The following ELAC2 variants were observed in gnomAD, a reference collection of about 807,000 sequenced individuals.
The protein encoded by ELAC2 is elaC ribonuclease Z 2.
ELAC2 carries 92 observed loss-of-function variants against 105.2 expected under a neutral mutation model. The observed-to-expected ratio is 0.87, with a 90% CI of 0.74 to 1.04. The LOEUF (loss-of-function observed/expected upper bound fraction) is 1.04, where lower values mean the gene tolerates loss of function less well. ELAC2 is among the 50% of genes least tolerant of loss of function. ELAC2 has a pLI of 0.00. For synonymous variants in ELAC2, 468 were observed against 409.1 expected (o/e 1.14, Z -1.74); for missense variants, 1,099 against 1,071.7 (o/e 1.03, Z -0.36).
intron 17 of ELAC2, 142 bp downstream of exon 17, chr17:12,996,404 CA>C: frequency 1.2e-5 from 16 of 1,304,704 alleles, no homozygotes; most frequent in Non-Finnish European, 1.7e-5. Context: ...TTGAGTTTTG[CA>C]AAAAACCATT....
chr17:12,991,764 C>T lies in ELAC2; in HGVS notation c.*1054G>A, dbSNP rs564577581. On this transcript the variant is annotated 3_prime_UTR_variant, in exon 24 of 24. Coordinates refer to ENST00000338034, the MANE Select transcript of ELAC2 (RefSeq NM_018127.7). ...AAAGCCAGGTCCCTGGCTGATCTCT[C>T]GCTTGCTTGTCTTTTGAGTTTTTAA... is the stretch of plus-strand genomic sequence containing the variant. The T allele has an allele frequency of 2.9e-4, 61 of 213,154 alleles. No homozygotes were observed. The highest frequency in any genetic ancestry group is 4.0e-4 in the Non-Finnish European group (42 of 105,166). The allele number at this position is 213,154 out of a possible 1,614,324, so 13.2% of individuals were successfully genotyped here.
intron 8 of ELAC2, among the ~76,000 whole-genome samples, chr17:13,008,650 C>T (rs986267244): frequency 1.4e-4 from 21 of 152,160 alleles, no homozygotes; most frequent in African/African-American, 5.1e-4. Flanking sequence ...AGAACGCAGC[C>T]AATAACGCCC....
intron 5 of ELAC2, 65 bp downstream of exon 5, chr17:13,014,374 A>G: frequency 8.1e-7 from 1 of 1,233,782 alleles, no homozygotes; most frequent in South Asian, 1.2e-5. Flanking sequence ...ATGGATTCTA[A>G]TTTGAGAGGT....
chr17:13,008,789 G>A lies in ELAC2; in HGVS notation c.738+1824C>T, dbSNP rs2041247364. 2.0e-5 allele frequency among the ~76,000 whole-genome samples: 3 copies of A among 152,126 alleles called. No homozygotes were observed. The South Asian group carries it at 6.2e-4, about 32-fold the overall frequency. On this transcript the variant is annotated intron_variant, in intron 8 of 23. Coordinates refer to ENST00000338034, the MANE Select transcript of ELAC2 (RefSeq NM_018127.7). ...CTTTCCAAAACCTCACCTGAGAGCA[G>A]CAAATTAATTAGAAGAGGGGAAAGG...
At chr17:12,996,093 T>C in intron 17 of ELAC2, 115 bp from the exon 18 acceptor site, 1 of 1,165,538 alleles carries the variant, frequency 8.6e-7, no homozygotes, top group Non-Finnish European at 1.2e-6. Context: ...CCCACCAGCC[T>C]CTAACACAGC....
rs141665060 is a variant in ELAC2 at position 12,992,131 on chromosome 17, A to AT, written c.*686dup. ...AGCCAGGCTCTCACTGATTGATTTG[A>AT]TTGATTGATTGATTGATTGATAGAG... On this transcript the variant is annotated 3_prime_UTR_variant, in exon 24 of 24. Coordinates refer to ENST00000338034, the MANE Select transcript of ELAC2 (RefSeq NM_018127.7). Among the ~76,000 whole-genome samples the AT allele has an allele frequency of 1.5e-3, 136 of 91,874 alleles. No individual in the cohort carries two copies. Among genetic ancestry groups the AT allele is most frequent in the Non-Finnish European group, 3.2e-3 (113 of 35,056 alleles). 60.3% of individuals were successfully genotyped at this position (91,874 alleles called of 152,430 possible). A position where few individuals can be genotyped will look rare whatever the true frequency, so the allele number is the denominator to read the frequency against.
intron 1 of ELAC2, 73 bp downstream of exon 1, chr17:13,017,628 TGG>T: frequency 6.2e-7 from 1 of 1,607,414 alleles, no homozygotes; most frequent in Non-Finnish European, 8.5e-7. Flanking sequence ...GCCGAAGCCC[TGG>T]GAGGTGCCCC....
At position 12,992,265 on chromosome 17, in the gene ELAC2, T is replaced by TGAC; in HGVS notation, c.*550_*552dup. 1 of 241,308 alleles carries TGAC rather than the reference T, an allele frequency of 4.1e-6. No homozygotes were observed. The highest frequency in any genetic ancestry group is 5.9e-5 in the East Asian group (1 of 16,970). 14.9% of individuals were successfully genotyped at this position (241,308 alleles called of 1,614,324 possible). A position where few individuals can be genotyped will look rare whatever the true frequency, so the allele number is the denominator to read the frequency against. On this transcript the variant is annotated 3_prime_UTR_variant, in exon 24 of 24. Coordinates refer to ENST00000338034, the MANE Select transcript of ELAC2 (RefSeq NM_018127.7). ...CAGAGGTGCTCACTACGACGGGAGCTGACTTCTTCCAAGCCACCCGGGTAC... is the reference window on the plus strand; with the variant it reads ...CAGAGGTGCTCACTACGACGGGAGCTGACGACTTCTTCCAAGCCACCCGGGTAC...
intron 16 of ELAC2, among the ~76,000 whole-genome samples, chr17:12,997,072 T>C (rs1384958067): frequency 6.6e-6 from 1 of 152,092 alleles, no homozygotes; most frequent in Non-Finnish European, 1.5e-5. Flanking sequence ...CATATGAGAC[T>C]CTTTCTAGGT....
intron 23 of ELAC2, 144 bp downstream of exon 23, chr17:12,993,543 G>A (rs1479530928): frequency 1.2e-5 from 15 of 1,263,718 alleles, no homozygotes; most frequent in South Asian, 4.2e-5. Context: ...AGGGTGGTTC[G>A]ACCTGGTTAG....
chr17:12,996,137 G>A (rs542495487), intron 17 of ELAC2, 159 bp from the exon 18 acceptor site: 9 of 818,106 alleles, frequency 1.1e-5, no homozygotes, highest in East Asian at 8.0e-5. Context: ...AGCCCCCTGC[G>A]CCATGGCCCT....
Position 13,000,161 on chromosome 17 carries a change from G to T in ELAC2, c.1418C>A (p.Pro473Gln). The T allele has an allele frequency of 6.2e-7, 1 of 1,613,410 alleles. No individual in the cohort carries two copies. Among genetic ancestry groups the T allele is most frequent in the Non-Finnish European group, 8.5e-7 (1 of 1,179,984 alleles). Residue 473 changes from proline to glutamine, a missense_variant, in exon 15 of 24, where the codon CCA becomes CAA. Pro to Gln is a moderately conservative substitution (Grantham distance 76). Transcript: ENST00000338034. The part of the protein sequence containing the change: ...YRRSAQDGPA[P>Q]AEKRSQYPEI... Reference sequence around the variant, plus strand: ...CTCTGTGGGCTCCCACTCACCTGCTGGGGCTGGGCCGTCCTGCGCACTCCT... The same window carrying T: ...CTCTGTGGGCTCCCACTCACCTGCTTGGGCTGGGCCGTCCTGCGCACTCCT...
intron 8 of ELAC2, among the ~76,000 whole-genome samples, chr17:13,007,771 G>A (rs1275949540): frequency 6.6e-6 from 1 of 152,094 alleles, no homozygotes; most frequent in Non-Finnish European, 1.5e-5. Context: ...CCAGCTACTC[G>A]GGAAGCTGAT....
At chr17:13,014,615 T>C (rs559708481) in intron 4 of ELAC2, 119 bp from the exon 5 acceptor site, 13 of 784,466 alleles carry the variant, frequency 1.7e-5, no homozygotes, top group African/African-American at 1.5e-4. Context: ...AGTAAATATT[T>C]TGAACATCAT....
rs200827637 is a variant in ELAC2, at chr17:12,992,948, T to C, written c.2351A>G (p.Lys784Arg). 14 of 1,611,378 alleles carry C rather than the reference T, an allele frequency of 8.7e-6. No individual in the cohort carries two copies. In the Admixed American group the frequency reaches 1.8e-4, roughly 21 times the overall value. The change falls in exon 24 of 24, where the codon AAG becomes AGG. Residue 784 changes from lysine (K) to arginine (R), a missense_variant. Physicochemically the swap from Lys to Arg is conservative, Grantham distance 26. Transcript: ENST00000338034. ...DIEEMEERREKRELRQVRAAL... is the reference protein window; with the variant it reads ...DIEEMEERRERRELRQVRAAL... Reference sequence around the variant, plus strand: ...CGCCCGCACCTGCCGCAGCTCCCGCTTCTCCCTGCGCTCCTCCATCTCCTC... The same window carrying C: ...CGCCCGCACCTGCCGCAGCTCCCGCCTCTCCCTGCGCTCCTCCATCTCCTC...
chr17:12,998,370 C>T (rs373514813), intron 16 of ELAC2, 42 bp downstream of exon 16: 55 of 1,580,730 alleles, frequency 3.5e-5, no homozygotes, highest in Non-Finnish European at 4.6e-5. Flanking sequence ...AAAAAGTAAA[C>T]GTGCCCTTGA....
chr17:13,017,366 T>A (rs2041799245), intron 1 of ELAC2: 1 of 626,996 alleles, frequency 1.6e-6, no homozygotes, highest in Middle Eastern at 4.3e-4. Context: ...CACCACCGGC[T>A]ACACACCAGA....
intron 16 of ELAC2, 139 bp from the exon 17 acceptor site, chr17:12,996,824 T>C (rs902370505): frequency 2.6e-6 from 3 of 1,158,156 alleles, no homozygotes; most frequent in South Asian, 1.3e-5. Flanking sequence ...GGAGCTAATA[T>C]AAAAGCCAAT....
chr17:13,014,134 A>C (rs2041586726), intron 5 of ELAC2, among the ~76,000 whole-genome samples: 1 of 152,094 alleles, frequency 6.6e-6, no homozygotes, highest in Admixed American at 6.5e-5. Context: ...TCTACTAAAA[A>C]TACAAAAAAT....
Sources: gnomAD v4.1 joint callset for allele counts (sites outside exome capture counted in the v4.1 genomes callset) on GRCh38, gnomAD v4.1.1 for gene constraint, MANE v1.5 for transcripts, NCBI Gene and HGNC (gene_info 2026-07-23, HGNC 2026-07-21) for gene names.